The following SNX4 variants were observed in gnomAD, a reference collection of about 807,000 sequenced individuals.
SNX4 encodes sorting nexin 4, also known as sorting nexin-4.
Under a neutral mutation model 70.8 loss-of-function variants are expected in SNX4, and 49 were observed. The observed-to-expected ratio is 0.69, with a 90% CI of 0.55 to 0.88. The LOEUF is 0.88. Among genes scored for constraint, SNX4 ranks in the 40% least tolerant of loss-of-function variants. SNX4 has a pLI of 0.00. For missense variants in SNX4, 528 were observed against 544.8 expected (o/e 0.97, Z 0.31); for synonymous variants, 206 against 183.8 (o/e 1.12, Z -0.98).
At chr3:125,509,034 A>C (rs1190585851) in intron 1 of SNX4, among the ~76,000 whole-genome samples, 2 of 152,122 alleles carry the variant, frequency 1.3e-5, no homozygotes, top group Non-Finnish European at 2.9e-5. Context: ...GTCGTGCATC[A>C]AAAGACAATA....
chr3:125,452,382 CA>C (rs545942062), intron 12 of SNX4, among the ~76,000 whole-genome samples: 256 of 152,032 alleles, frequency 1.7e-3, no homozygotes, highest in Non-Finnish European at 2.9e-3. Context: ...AGGTGTGAGC[CA>C]CCACGGCCAG....
At chr3:125,456,573 G>A (rs1933721763) in intron 11 of SNX4, among the ~76,000 whole-genome samples, 1 of 152,148 alleles carries the variant, frequency 6.6e-6, no homozygotes, top group African/African-American at 2.4e-5. Context: ...CTTGATCCCA[G>A]GAGTTTGAGG....
chr3:125,507,234 G>A (rs930326875), intron 1 of SNX4, among the ~76,000 whole-genome samples: 89 of 150,216 alleles, frequency 5.9e-4, no homozygotes, highest in African/African-American at 2.1e-3. Context: ...AAATTCTGGA[G>A]CTGAAAAGTA....
intron 1 of SNX4, among the ~76,000 whole-genome samples, chr3:125,511,030 T>G (rs58054875): frequency 0.023 from 3,505 of 152,306 alleles, 139 homozygotes; most frequent in African/African-American, 0.08. Flanking sequence ...GCGATTCTCC[T>G]CCCTTAGCCT....
intron 7 of SNX4, among the ~76,000 whole-genome samples, 190 bp downstream of exon 7, chr3:125,480,057 A>T (rs1934376480): frequency 6.6e-6 from 1 of 152,226 alleles, no homozygotes; most frequent in South Asian, 2.1e-4. Flanking sequence ...AAAACAGGCT[A>T]AGTGAGTTGT....
rs139711442 is a variant in SNX4, at chr3:125,447,817, C to T, written c.1315G>A (p.Val439Ile). 5.7e-5 allele frequency: 91 copies of T among 1,586,036 alleles called. No homozygotes were observed. The African/African-American group carries it at 1.1e-3, about 20-fold the overall frequency. ...QISMCKKGIQ[V>I]WTNAKECFSK... The stretch of plus-strand genomic sequence containing the variant: ...AAGCATTCCTTAGCATTGGTCCAAA[C>T]TTGAATTCCCTAAAAATAAAAATAA... The change falls in exon 14 of 14, where the codon GTT becomes ATT. Residue 439 changes from valine to isoleucine, a missense_variant. Transcript: ENST00000251775.
chr3:125,458,328 T>C (rs990855670), intron 10 of SNX4, among the ~76,000 whole-genome samples: 1 of 151,888 alleles, frequency 6.6e-6, no homozygotes. Context: ...TGTGCCACCA[T>C]ATCCAACTAA....
At chr3:125,456,262 T>G (rs1933712694) in intron 11 of SNX4, among the ~76,000 whole-genome samples, 3 of 152,170 alleles carry the variant, frequency 2.0e-5, no homozygotes, top group Non-Finnish European at 4.4e-5. Flanking sequence ...GATGCACTGG[T>G]TCTAAGTGGG....
At position 125,504,744 on chromosome 3, in the gene SNX4, T is replaced by A; in HGVS notation, c.142A>T (p.Met48Leu). The A allele has an allele frequency of 1.9e-6, 3 of 1,612,786 alleles. No homozygotes were observed. Among genetic ancestry groups the A allele is most frequent in the Non-Finnish European group, 1.7e-6 (2 of 1,179,434 alleles). The change falls in exon 2 of 14, where the codon ATG (methionine) becomes TTG (leucine). Residue 48 changes from methionine to leucine, a missense_variant and splice_region_variant. By Grantham distance (15) the Met-to-Leu change is conservative (BLOSUM62 2). Transcript: ENST00000251775. ...TTCAACCAAAAATTATTGTGTGTCA[T>A]CTGGACAAAAGTAAATAAAACAACA... ...AGEESSGVDT[M>L]THNNFWLKKI... is the part of the protein sequence containing the mutation.
At chr3:125,459,599 GCTAA>G (rs113469221) in intron 10 of SNX4, among the ~76,000 whole-genome samples, 5 of 152,126 alleles carry the variant, frequency 3.3e-5, no homozygotes, top group African/African-American at 4.8e-5. Flanking sequence ...ACTATGCCTG[GCTAA>G]CTTTTTTGTA....
chr3:125,456,729 C>T (rs747233416), intron 11 of SNX4, among the ~76,000 whole-genome samples: 4 of 152,296 alleles, frequency 2.6e-5, no homozygotes, highest in South Asian at 4.1e-4. Flanking sequence ...GGCGTGACCT[C>T]GGGTCACTGC....
At chr3:125,459,953 G>C (rs1933832919) in intron 10 of SNX4, among the ~76,000 whole-genome samples, 1 of 152,014 alleles carries the variant, frequency 6.6e-6, no homozygotes, top group African/African-American at 2.4e-5. Flanking sequence ...AGCACTTTGA[G>C]AGGCCGAGGC....
rs558899111 is a variant in SNX4, at chr3:125,519,940, C to T, written c.141+92G>A. On this transcript the variant is annotated intron_variant, in intron 1 of 13. Coordinates refer to ENST00000251775, the MANE Select transcript of SNX4 (RefSeq NM_003794.4). The stretch of plus-strand genomic sequence containing the variant: ...GGGCCTCCTCGGCCGAGCCCACTGG[C>T]CCGGCCCGGCCCAGCCCAGCCCAGC... The T allele has an allele frequency of 1.3e-4, 117 of 893,846 alleles. 1 individual carries two copies. The highest frequency in any genetic ancestry group is 2.4e-5 in the Non-Finnish European group (16 of 666,134). The allele number at this position is 893,846 out of a possible 1,614,324, so 55.4% of individuals were successfully genotyped here. A position where few individuals can be genotyped will look rare whatever the true frequency, so the allele number is the denominator to read the frequency against.
Position 125,497,935 on chromosome 3 carries a change from A to G in SNX4, c.448T>C (p.Phe150Leu). Residue 150 changes from phenylalanine to leucine, a missense_variant, in exon 4 of 14, where the codon TTT becomes CTT. Phe to Leu is a conservative substitution (Grantham distance 22, BLOSUM62 0). Transcript: ENST00000251775. ...AAACCAATCCGTCGCCTCTCCACAAAATCTGGATCCATGTTGTCAGCAGAG... is the reference window on the plus strand; with the variant it reads ...AAACCAATCCGTCGCCTCTCCACAAGATCTGGATCCATGTTGTCAGCAGAG... Reference protein sequence around the residue: ...KLSADNMDPDFVERRRIGLEN... With the variant: ...KLSADNMDPDLVERRRIGLEN... 6.2e-7 allele frequency: 1 copy of G among 1,614,192 alleles called. No individual in the cohort carries two copies. Among genetic ancestry groups the G allele is most frequent in the Non-Finnish European group, 8.5e-7 (1 of 1,180,030 alleles).
intron 8 of SNX4, among the ~76,000 whole-genome samples, chr3:125,470,897 T>C (rs1436629198): frequency 6.6e-6 from 1 of 152,038 alleles, no homozygotes; most frequent in Non-Finnish European, 1.5e-5. Context: ...ACCCCAACAA[T>C]TAAGAACAGA....
chr3:125,451,193 C>A, intron 13 of SNX4, 112 bp downstream of exon 13: 2 of 504,926 alleles, frequency 4.0e-6, no homozygotes, highest in African/African-American at 2.0e-5. Flanking sequence ...AATTGGTAAA[C>A]ATTCTACAAG....
chr3:125,477,178 A>C (rs922779996), intron 7 of SNX4, among the ~76,000 whole-genome samples: 2 of 152,198 alleles, frequency 1.3e-5, no homozygotes, highest in African/African-American at 4.8e-5. Flanking sequence ...TCTGAGAATA[A>C]GCCTTTTTCC....
chr3:125,484,610 T>C (rs1176277856), intron 6 of SNX4, among the ~76,000 whole-genome samples: 1 of 152,136 alleles, frequency 6.6e-6, no homozygotes, highest in East Asian at 1.9e-4. Context: ...CAGGTGCCTC[T>C]CCTAATCAGA....
rs1553727769 is a variant in SNX4, at chr3:125,495,277, T to TAC, written c.597+2062_597+2063dup. 6.2e-4 allele frequency among the ~76,000 whole-genome samples: 62 copies of TAC among 99,612 alleles called. 3 individuals are homozygous for TAC. Among genetic ancestry groups the TAC allele is most frequent in the African/African-American group, 2.0e-3 (57 of 27,992 alleles). The allele number at this position is 99,612 out of a possible 152,430, so 65.3% of individuals were successfully genotyped here. A position where few individuals can be genotyped will look rare whatever the true frequency, so the allele number is the denominator to read the frequency against. On this transcript the variant is annotated intron_variant, in intron 5 of 13. Transcript: ENST00000251775. ...ATATATATATATATATATATATATA[T>TAC]ACACATACACACACACACACGTATG...
Sources: gnomAD v4.1 joint callset for allele counts (sites outside exome capture counted in the v4.1 genomes callset) on GRCh38, gnomAD v4.1.1 for gene constraint, MANE v1.5 for transcripts, NCBI Gene and HGNC (gene_info 2026-07-23, HGNC 2026-07-21) for gene names.